The following BANP variants were observed in gnomAD, a reference collection of about 807,000 sequenced individuals.
BANP encodes the protein protein BANP.
A neutral mutation model predicts 68.1 loss-of-function variants in BANP; 11 were observed. The ratio of observed to expected loss-of-function variants is 0.16; its 90% CI spans 0.10 to 0.27. BANP has a LOEUF of 0.27. Ranked by LOEUF, BANP falls within the 10% of genes least tolerant of loss-of-function variation. The pLI, the probability that BANP is intolerant of heterozygous loss-of-function variation, is 1.00. For missense variants in BANP, 504 were observed against 722.7 expected (o/e 0.70, Z 3.47); for synonymous variants, 329 against 303.2 (o/e 1.09, Z -0.88).
rs552297673 is a variant in BANP at position 88,030,013 on chromosome 16, GAGTCCTCAGTGATC to G, written c.1063+2368_1063+2381del. Among the ~76,000 whole-genome samples, 102 of 152,372 alleles carry G rather than the reference GAGTCCTCAGTGATC, an allele frequency of 6.7e-4. No individual in the cohort carries two copies. In the East Asian group the frequency reaches 0.014, roughly 21 times the overall value. ...GTGGTGGTTGGATTCCCACTGGCCG[GAGTCCTCAGTGATC>G]AGTCGCTGCACTAGCAGGCCATGCC... On this transcript the variant is annotated intron_variant, in intron 8 of 13. Transcript: ENST00000682872.
chr16:88,034,133 A>T (rs922804061), intron 9 of BANP, among the ~76,000 whole-genome samples: 24 of 152,198 alleles, frequency 1.6e-4, no homozygotes, highest in Admixed American at 1.5e-3. Flanking sequence ...GGAAGAGGGA[A>T]GGCTTCCGGA....
chr16:88,009,540 A>G (rs1284858634), intron 6 of BANP, among the ~76,000 whole-genome samples: 1 of 152,242 alleles, frequency 6.6e-6, no homozygotes, highest in Non-Finnish European at 1.5e-5. Context: ...TTTTTCACTT[A>G]GGTAATTCCG....
At chr16:87,999,288 T>G (rs1359446255) in intron 4 of BANP, among the ~76,000 whole-genome samples, 11 of 104,858 alleles carry the variant, frequency 1.0e-4, no homozygotes, top group East Asian at 3.1e-4. Context: ...ATGCATGCAC[T>G]TGCACGGCTG....
rs1395916262 is a variant in BANP at position 88,064,187 on chromosome 16, C to T, written c.1312-1080C>T. 7.4e-6 allele frequency among the ~76,000 whole-genome samples: 1 copy of T among 135,698 alleles called. No individual in the cohort carries two copies. Among genetic ancestry groups the T allele is most frequent in the Non-Finnish European group, 1.6e-5 (1 of 62,810 alleles). 89.0% of individuals were successfully genotyped at this position (135,698 alleles called of 152,430 possible). On this transcript the variant is annotated intron_variant, in intron 11 of 13. Coordinates refer to ENST00000682872, the MANE Select transcript of BANP (RefSeq NM_001386991.1). The surrounding 1 kb of genome is among the most constrained non-coding windows in gnomAD (Gnocchi z 4.5). ...AGGCTGGGGCAGGAGGTGTCGGGGG[C>T]TTGAGAGGCGCAGGGGAGCAGGGGG... is the stretch of plus-strand genomic sequence containing the variant.
At chr16:88,032,263 G>A (rs1451698116) in intron 8 of BANP, among the ~76,000 whole-genome samples, 3 of 151,182 alleles carry the variant, frequency 2.0e-5, no homozygotes, top group Admixed American at 6.6e-5. Flanking sequence ...GTGTAGTGGT[G>A]CCATTTCGAC....
At chr16:87,992,017 GA>G (rs2065991165) in intron 4 of BANP, among the ~76,000 whole-genome samples, 1 of 152,194 alleles carries the variant, frequency 6.6e-6, no homozygotes, top group Admixed American at 6.5e-5. Flanking sequence ...CTCTTAATCA[GA>G]TTGAAGAAGT....
intron 6 of BANP, among the ~76,000 whole-genome samples, chr16:88,015,681 C>A (rs1433657857): frequency 6.6e-6 from 1 of 152,254 alleles, no homozygotes; most frequent in African/African-American, 2.4e-5. Flanking sequence ...GTCCCTGGCA[C>A]TTGGGAGTCA....
At chr16:88,045,298 A>C (rs1479694773) in intron 11 of BANP, among the ~76,000 whole-genome samples, 1 of 152,316 alleles carries the variant, frequency 6.6e-6, no homozygotes, top group South Asian at 2.1e-4. Context: ...GGGACGGAAG[A>C]TGGCTCGATG....
intron 1 of BANP, among the ~76,000 whole-genome samples, chr16:87,972,030 T>C (rs1448248900): frequency 6.6e-6 from 1 of 152,212 alleles, no homozygotes; most frequent in African/African-American, 2.4e-5. Flanking sequence ...CAACCTCAAA[T>C]GGTCCTCCTG....
rs1444686912 is a variant in BANP, at chr16:88,036,682, A to G, written c.1272+1288A>G. On this transcript the variant is annotated intron_variant, in intron 10 of 13. Transcript: ENST00000682872. This position sits in a 1 kb window ranked among gnomAD's most constrained non-coding sequence, Gnocchi z 4.2. ...ATGTGGGGGCCGTGAGCGACTGGGAATGAGTGGGCTCATCCACACAGCGAC... is the reference window on the plus strand; with the variant it reads ...ATGTGGGGGCCGTGAGCGACTGGGAGTGAGTGGGCTCATCCACACAGCGAC... Among the ~76,000 whole-genome samples the G allele has an allele frequency of 6.6e-6, 1 of 152,052 alleles. No homozygotes were observed. The highest frequency in any genetic ancestry group is 2.4e-5 in the African/African-American group (1 of 41,390).
chr16:87,954,073 TTCTG>T (rs1242433960), intron 1 of BANP, among the ~76,000 whole-genome samples: 2 of 152,170 alleles, frequency 1.3e-5, no homozygotes, highest in Non-Finnish European at 2.9e-5. Flanking sequence ...AGTTCCCTTG[TTCTG>T]TCTGAGAAGT....
At chr16:87,989,795 TGCGC>T in intron 4 of BANP, among the ~76,000 whole-genome samples, 2 of 118,852 alleles carry the variant, frequency 1.7e-5, no homozygotes, top group East Asian at 3.4e-4. Flanking sequence ...CCCGCGTGGC[TGCGC>T]GCATCCAGGA....
chr16:88,012,953 G>A (rs866133769), intron 6 of BANP, among the ~76,000 whole-genome samples: 6 of 152,188 alleles, frequency 3.9e-5, no homozygotes, highest in African/African-American at 7.2e-5. Flanking sequence ...CGACAGTAGG[G>A]AATTCTGAAT....
Position 88,071,726 on chromosome 16 carries a change from A to G in BANP, c.1378-343A>G, listed in dbSNP as rs978774418. The G allele has an allele frequency of 7.5e-6, 4 of 532,702 alleles. No individual in the cohort carries two copies. The highest frequency in any genetic ancestry group is 1.4e-5 in the Non-Finnish European group (4 of 278,050). The allele number at this position is 532,702 out of a possible 1,614,324, so 33.0% of individuals were successfully genotyped here. ...TGTGCTCTTCATGGTTGCCACTGGG[A>G]TTTTCCAGGAGGCTCTGTGGCATTT... On this transcript the variant is annotated intron_variant, in intron 12 of 13. Coordinates refer to ENST00000682872, the MANE Select transcript of BANP (RefSeq NM_001386991.1). This position sits in a 1 kb window ranked among gnomAD's most constrained non-coding sequence, Gnocchi z 6.5.
At chr16:88,032,922 A>C (rs1388449558) in intron 8 of BANP, among the ~76,000 whole-genome samples, 187 bp from the exon 9 acceptor site, 1 of 152,238 alleles carries the variant, frequency 6.6e-6, no homozygotes, top group Non-Finnish European at 1.5e-5. Context: ...CGGAAGCCTC[A>C]GTTCCTAAGA....
intron 11 of BANP, among the ~76,000 whole-genome samples, chr16:88,052,501 C>G (rs1426028642): frequency 6.6e-6 from 1 of 151,636 alleles, no homozygotes; most frequent in African/African-American, 2.4e-5. Context: ...ATCCAGAACT[C>G]AACTCTCATG....
At chr16:88,040,985 T>A (rs2080640622) in intron 11 of BANP, among the ~76,000 whole-genome samples, 1 of 152,242 alleles carries the variant, frequency 6.6e-6, no homozygotes, top group Non-Finnish European at 1.5e-5. Context: ...CTAGAAATCC[T>A]CTTGGGAGGG....
intron 7 of BANP, among the ~76,000 whole-genome samples, chr16:88,024,584 C>A (rs1273943409): frequency 1.3e-5 from 2 of 152,226 alleles, no homozygotes; most frequent in African/African-American, 4.8e-5. Context: ...GGCGCTTGCC[C>A]CAGCTGCTGT....
At chr16:88,075,375 C>T (rs1016055048) in intron 13 of BANP, among the ~76,000 whole-genome samples, 4 of 152,104 alleles carry the variant, frequency 2.6e-5, no homozygotes, top group African/African-American at 9.7e-5. Context: ...TGGTGGTGTG[C>T]ACTGGTGGTC....
Sources: gnomAD v4.1 joint callset for allele counts (sites outside exome capture counted in the v4.1 genomes callset) on GRCh38, gnomAD v4.1.1 for gene constraint, Gnocchi (gnomAD v3.1) non-coding constraint, MANE v1.5 for transcripts, NCBI Gene and HGNC (gene_info 2026-07-23, HGNC 2026-07-21) for gene names.